RORA: variants seen among roughly 807,000 people sequenced by gnomAD.
RORA encodes RAR related orphan receptor A, also known as nuclear receptor ROR-alpha.
Under a neutral mutation model 69.5 loss-of-function variants are expected in RORA, and 7 were observed. The observed-to-expected ratio is 0.10, with a 90% CI of 0.06 to 0.19. The LOEUF is 0.19. Ranked by LOEUF, RORA falls within the 10% of genes least tolerant of loss-of-function variation. The probability of loss-of-function intolerance (pLI) is 1.00; values close to 1 mark genes in which losing one functional copy is unlikely to be tolerated. For missense variants in RORA, 457 were observed against 663.0 expected, an observed-to-expected ratio of 0.69 and a Z score of 3.41; for synonymous variants, 261 against 240.8, an observed-to-expected ratio of 1.08 and a Z score of -0.78.
intron 1 of RORA, among the ~76,000 whole-genome samples, chr15:60,826,277 G>A (rs2072955197): frequency 6.6e-6 from 1 of 152,202 alleles, no homozygotes; most frequent in Admixed American, 6.5e-5. Context: ...AGAAAGGCAG[G>A]ATTAATGAAT....
intron 1 of RORA, among the ~76,000 whole-genome samples, chr15:61,015,300 C>A (rs1213549685): frequency 6.6e-6 from 1 of 152,138 alleles, no homozygotes; most frequent in African/African-American, 2.4e-5. Context: ...AGGATTAGTT[C>A]TTTTCCTTAG....
At chr15:61,182,137 T>C (rs2079692748) in intron 1 of RORA, among the ~76,000 whole-genome samples, 1 of 152,150 alleles carries the variant, frequency 6.6e-6, no homozygotes, top group Non-Finnish European at 1.5e-5. Context: ...TTATTAGAGG[T>C]AGAGTTTTAG....
At chr15:61,029,858 C>G (rs565436833) in intron 1 of RORA, among the ~76,000 whole-genome samples, 3 of 152,218 alleles carry the variant, frequency 2.0e-5, no homozygotes, top group African/African-American at 4.8e-5. Flanking sequence ...ACGAGGAAGA[C>G]AGTGGGTGCA....
chr15:60,831,031 C>A (rs76171355), intron 1 of RORA, among the ~76,000 whole-genome samples: 6,025 of 152,156 alleles, frequency 0.04, 325 homozygotes, highest in African/African-American at 0.12. Flanking sequence ...GTATAGTCAG[C>A]GAGGAGACTG....
chr15:61,122,286 T>C (rs1192636661), intron 1 of RORA, among the ~76,000 whole-genome samples: 1 of 152,224 alleles, frequency 6.6e-6, no homozygotes, highest in East Asian at 1.9e-4. Context: ...GGCTCTCTTC[T>C]ATTGTGGAGA....
chr15:60,782,053 C>A (rs1212443612), intron 1 of RORA, among the ~76,000 whole-genome samples: 1 of 152,118 alleles, frequency 6.6e-6, no homozygotes. Flanking sequence ...GGTGAAACCC[C>A]GTCTCTACTA....
rs34707279 is a variant in RORA at position 60,517,110 on chromosome 15, C to CTTTTTTTTTTTTTTTTTTTTTTTT, written c.283-2354_283-2353insAAAAAAAAAAAAAAAAAAAAAAAA. On this transcript the variant is annotated intron_variant, in intron 3 of 10. Transcript: ENST00000335670. ...TTATTTTTCTTTTTGTTCATCTGTGCTTTTTTTTTTTTTCCCCCCTACAAT... is the reference window on the plus strand; with the variant it reads ...TTATTTTTCTTTTTGTTCATCTGTGCTTTTTTTTTTTTTTTTTTTTTTTTTTTTTTTTTTTTTCCCCCCTACAAT... Among the ~76,000 whole-genome samples the CTTTTTTTTTTTTTTTTTTTTTTTT allele has an allele frequency of 1.2e-3, 163 of 141,194 alleles. 7 individuals are homozygous for CTTTTTTTTTTTTTTTTTTTTTTTT. Among genetic ancestry groups the CTTTTTTTTTTTTTTTTTTTTTTTT allele is most frequent in the African/African-American group, 4.4e-3 (156 of 35,432 alleles). The allele number at this position is 141,194 out of a possible 152,430, so 92.6% of individuals were successfully genotyped here. A position where few individuals can be genotyped will look rare whatever the true frequency, so the allele number is the denominator to read the frequency against.
chr15:61,209,283 AT>A lies in RORA; in HGVS notation c.166+19769del, dbSNP rs531696840. Among the ~76,000 whole-genome samples, 57 of 146,318 alleles carry A rather than the reference AT, an allele frequency of 3.9e-4. No individual in the cohort carries two copies. In the South Asian group the frequency reaches 0.013, roughly 32 times the overall value. On this transcript the variant is annotated intron_variant, in intron 1 of 10. Transcript: ENST00000335670. ...TGTTGAATTACAAAAAAAAAAAAAA[AT>A]TCACACACTCTAATTTAAAACAATG...
At chr15:60,688,855 A>C (rs771001204) in intron 1 of RORA, among the ~76,000 whole-genome samples, 18 of 152,210 alleles carry the variant, frequency 1.2e-4, no homozygotes, top group Non-Finnish European at 2.4e-4. Flanking sequence ...TGTTTGCCTA[A>C]GCCAATGACT....
chr15:60,505,414 CTTTAGTCTG>C, intron 6 of RORA, 85 bp downstream of exon 6: 1 of 1,218,032 alleles, frequency 8.2e-7, no homozygotes, highest in South Asian at 1.3e-5. Context: ...GACATTCATT[CTTTAGTCTG>C]TGTGAACTCT....
At chr15:60,588,663 G>A (rs1395409012) in intron 2 of RORA, among the ~76,000 whole-genome samples, 10 of 152,154 alleles carry the variant, frequency 6.6e-5, no homozygotes, top group Non-Finnish European at 1.5e-5. Flanking sequence ...GGAGACTAAT[G>A]AGAATTATTA....
intron 5 of RORA, among the ~76,000 whole-genome samples, chr15:60,507,675 T>C (rs1396740302): frequency 6.6e-6 from 1 of 152,112 alleles, no homozygotes. Flanking sequence ...AATAAGGTAG[T>C]GAACTACCTC....
At position 60,796,431 on chromosome 15, in the gene RORA, A is replaced by G. The variant is rs535495500; in HGVS notation, c.167-117745T>C. Among the ~76,000 whole-genome samples the G allele has an allele frequency of 6.6e-5, 10 of 152,212 alleles. No homozygotes were observed. In the East Asian group the frequency reaches 9.6e-4, roughly 15 times the overall value. On this transcript the variant is annotated intron_variant, in intron 1 of 10. Transcript: ENST00000335670. ...TTTCACCTCTGAAAATCTTTAAACT[A>G]TTTGGGAAAACAAATTACTCTGAAA...
intron 1 of RORA, among the ~76,000 whole-genome samples, chr15:60,850,155 C>A (rs1404936262): frequency 6.6e-6 from 1 of 152,152 alleles, no homozygotes; most frequent in African/African-American, 2.4e-5. Flanking sequence ...AAATCCAGAC[C>A]TGAATCCAGG....
chr15:61,211,240 A>G (rs2079988575), intron 1 of RORA, among the ~76,000 whole-genome samples: 1 of 151,634 alleles, frequency 6.6e-6, no homozygotes. Context: ...GTATAACTGG[A>G]AGGGCTTTCT....
intron 1 of RORA, among the ~76,000 whole-genome samples, chr15:60,822,137 T>C (rs565476512): frequency 6.6e-6 from 1 of 152,322 alleles, no homozygotes; most frequent in South Asian, 2.1e-4. Flanking sequence ...ACTCTTATTT[T>C]ATCAAAGGGA....
At chr15:61,215,084 C>T (rs564683799) in intron 1 of RORA, among the ~76,000 whole-genome samples, 12 of 133,836 alleles carry the variant, frequency 9.0e-5, no homozygotes, top group African/African-American at 3.1e-4. Context: ...GGGGTTTCAC[C>T]GTGTTAGCCA....
At position 61,128,808 on chromosome 15, in the gene RORA, T is replaced by C. The variant is rs548473674; in HGVS notation, c.166+100245A>G. On this transcript the variant is annotated intron_variant, in intron 1 of 10. Coordinates refer to ENST00000335670, the MANE Select transcript of RORA (RefSeq NM_134261.3). This position sits in a 1 kb window ranked among gnomAD's most constrained non-coding sequence, Gnocchi z 4.5. ...TTGGCAATGCATCCTGAGACAAGAGTCAAGTGCTAAGCAAAGTCAATCAGC... is the reference window on the plus strand; with the variant it reads ...TTGGCAATGCATCCTGAGACAAGAGCCAAGTGCTAAGCAAAGTCAATCAGC... 6.6e-6 allele frequency among the ~76,000 whole-genome samples: 1 copy of C among 151,624 alleles called. No individual in the cohort carries two copies. The highest frequency in any genetic ancestry group is 1.9e-4 in the East Asian group (1 of 5,142).
intron 1 of RORA, among the ~76,000 whole-genome samples, chr15:60,838,838 C>G (rs571235564): frequency 7.4e-6 from 1 of 134,944 alleles, no homozygotes; most frequent in South Asian, 2.4e-4. Context: ...TCAAAACATT[C>G]ATTCAACACA....
Sources: gnomAD v4.1 joint callset for allele counts (sites outside exome capture counted in the v4.1 genomes callset) on GRCh38, gnomAD v4.1.1 for gene constraint, Gnocchi (gnomAD v3.1) non-coding constraint, MANE v1.5 for transcripts, NCBI Gene and HGNC (gene_info 2026-07-23, HGNC 2026-07-21) for gene names.